The following FNDC3A variants were observed in gnomAD, a reference collection of about 807,000 sequenced individuals.
FNDC3A encodes fibronectin type-III domain-containing protein 3A.
A neutral mutation model predicts 148.9 loss-of-function variants in FNDC3A; 32 were observed. That is an observed-to-expected ratio of 0.21 (90% CI 0.16 to 0.29). FNDC3A has a LOEUF of 0.29. Ranked by LOEUF, FNDC3A falls within the 10% of genes least tolerant of loss-of-function variation. The pLI is 1.00. For missense variants in FNDC3A, 1,191 were observed against 1,452.8 expected, an observed-to-expected ratio of 0.82 and a Z score of 2.93; for synonymous variants, 472 against 473.6, an observed-to-expected ratio of 1.00 and a Z score of 0.04.
At chr13:49,159,795 A>G (rs537714594) in intron 8 of FNDC3A, among the ~76,000 whole-genome samples, 2 of 152,338 alleles carry the variant, frequency 1.3e-5, no homozygotes, top group East Asian at 3.9e-4. Context: ...CGTCCCATCA[A>G]TACCTAGTTT....
intron 2 of FNDC3A, among the ~76,000 whole-genome samples, chr13:49,009,627 G>A (rs142593629): frequency 5.4e-4 from 82 of 152,326 alleles, no homozygotes; most frequent in African/African-American, 1.6e-3. Context: ...AGGAAAGCCT[G>A]CATGAATGTG....
chr13:48,986,382 GTTGTTTTTTT>G (rs1566174514), intron 1 of FNDC3A, among the ~76,000 whole-genome samples: 2 of 61,956 alleles, frequency 3.2e-5, no homozygotes, highest in African/African-American at 5.8e-5. Flanking sequence ...GGAGAAGGAA[GTTGTTTTTTT>G]TTTTTTTTTT....
chr13:49,130,576 T>C (rs1881966474), intron 4 of FNDC3A, among the ~76,000 whole-genome samples: 1 of 151,902 alleles, frequency 6.6e-6, no homozygotes, highest in Non-Finnish European at 1.5e-5. Flanking sequence ...ATATCTAGTA[T>C]CATAACTTAT....
At chr13:49,096,536 G>C (rs1250097845) in intron 3 of FNDC3A, among the ~76,000 whole-genome samples, 1 of 151,928 alleles carries the variant, frequency 6.6e-6, no homozygotes, top group Non-Finnish European at 1.5e-5. Context: ...ATTATTTTTA[G>C]TCTTAATGTG....
At chr13:49,158,942 T>G (rs936993921) in intron 8 of FNDC3A, among the ~76,000 whole-genome samples, 3 of 152,232 alleles carry the variant, frequency 2.0e-5, no homozygotes, top group South Asian at 2.1e-4. Flanking sequence ...ATATGTGGTA[T>G]TATTTCTGAG....
At chr13:49,153,840 G>A (rs1204960689) in intron 8 of FNDC3A, among the ~76,000 whole-genome samples, 68 of 111,226 alleles carry the variant, frequency 6.1e-4, no homozygotes, top group Non-Finnish European at 9.4e-4. Context: ...GATATGCGGC[G>A]TTATTTCTGA....
intron 2 of FNDC3A, among the ~76,000 whole-genome samples, chr13:49,013,035 G>A (rs2137616160): frequency 6.6e-6 from 1 of 152,234 alleles, no homozygotes; most frequent in East Asian, 1.9e-4. Context: ...AAAAGGGTAA[G>A]CCAGGTGCAG....
intron 16 of FNDC3A, chr13:49,187,691 G>A (rs767970261): frequency 5.9e-5 from 89 of 1,520,826 alleles, no homozygotes; most frequent in Middle Eastern, 4.7e-4. Flanking sequence ...GAAGCTCTGC[G>A]AAAGGCACAG....
chr13:49,018,188 G>T (rs1272578942), intron 2 of FNDC3A, among the ~76,000 whole-genome samples: 1 of 152,012 alleles, frequency 6.6e-6, no homozygotes, highest in East Asian at 1.9e-4. Context: ...ATAATATCCT[G>T]CAGAGTGTTT....
At chr13:49,014,641 G>A (rs1487148771) in intron 2 of FNDC3A, among the ~76,000 whole-genome samples, 5 of 150,430 alleles carry the variant, frequency 3.3e-5, no homozygotes, top group Non-Finnish European at 5.9e-5. Flanking sequence ...TGTTGCCATT[G>A]CTTTTGGTGT....
chr13:49,179,862 C>A (rs80114106), intron 14 of FNDC3A, among the ~76,000 whole-genome samples: 1 of 152,058 alleles, frequency 6.6e-6, no homozygotes, highest in Non-Finnish European at 1.5e-5. Context: ...CTCAAAGCAC[C>A]AGGATCCTTT....
intron 13 of FNDC3A, 126 bp from the exon 14 acceptor site, chr13:49,178,442 A>C (rs911685573): frequency 3.2e-6 from 2 of 626,998 alleles, no homozygotes; most frequent in Admixed American, 3.3e-5. Context: ...ATTCCACTCA[A>C]CAGAGCATTA....
intron 17 of FNDC3A, among the ~76,000 whole-genome samples, chr13:49,190,619 A>G (rs957617889): frequency 6.6e-6 from 1 of 152,224 alleles, no homozygotes; most frequent in Non-Finnish European, 1.5e-5. Context: ...CAAACAGCAT[A>G]TACAGTATTT....
At position 49,077,644 on chromosome 13, in the gene FNDC3A, G is replaced by A. The variant is rs139848262; in HGVS notation, c.175+2280G>A. Among the ~76,000 whole-genome samples, 396 of 152,282 alleles carry A rather than the reference G, an allele frequency of 2.6e-3. 10 individuals are homozygous for A. In the East Asian group the frequency reaches 0.041, roughly 16 times the overall value. On this transcript the variant is annotated intron_variant, in intron 3 of 25. Coordinates refer to ENST00000492622, the MANE Select transcript of FNDC3A (RefSeq NM_001079673.2). ...GGCCTGCGACAGGCCCCGGGCCAAGGGGAGGGAGAGCATTAGGACAAATAC... is the reference window on the plus strand; with the variant it reads ...GGCCTGCGACAGGCCCCGGGCCAAGAGGAGGGAGAGCATTAGGACAAATAC...
At chr13:49,084,341 C>A (rs2137802253) in intron 3 of FNDC3A, among the ~76,000 whole-genome samples, 1 of 152,224 alleles carries the variant, frequency 6.6e-6, no homozygotes, top group Middle Eastern at 3.4e-3. Context: ...AAAAGAACTG[C>A]TAAAATATTT....
At chr13:49,120,004 T>G (rs188439590) in intron 4 of FNDC3A, among the ~76,000 whole-genome samples, 2 of 152,018 alleles carry the variant, frequency 1.3e-5, no homozygotes, top group African/African-American at 4.8e-5. Context: ...ACTAAGATAC[T>G]CCTTGAGAAG....
At position 49,196,914 on chromosome 13, in the gene FNDC3A, C is replaced by G; in HGVS notation, c.2264C>G (p.Ala755Gly). 3 of 1,610,426 alleles carry G rather than the reference C, an allele frequency of 1.9e-6. No homozygotes were observed. The highest frequency in any genetic ancestry group is 2.5e-6 in the Non-Finnish European group (3 of 1,178,722). The change falls in exon 20 of 26, where the codon GCC becomes GGC. Residue 755 changes from alanine to glycine, a missense_variant. Physicochemically the swap from Ala to Gly is moderately conservative, Grantham distance 60 (BLOSUM62 0). Transcript: ENST00000492622. Reference protein sequence around the residue: ...PFSEKCDITTAPGPPDQCKPP... With the variant: ...PFSEKCDITTGPGPPDQCKPP... ...TCAGAAAAATGTGATATTACTACAG[C>G]CCCTGGGCCACCAGATCAGTGCAAG...
chr13:49,118,250 G>A (rs1175777144), intron 4 of FNDC3A, among the ~76,000 whole-genome samples: 1 of 152,162 alleles, frequency 6.6e-6, no homozygotes, highest in African/African-American at 2.4e-5. Flanking sequence ...GAAGCAAAAG[G>A]GGTCGGGGAG....
intron 8 of FNDC3A, among the ~76,000 whole-genome samples, chr13:49,152,502 A>C (rs1375178639): frequency 7.0e-6 from 1 of 142,182 alleles, no homozygotes; most frequent in Non-Finnish European, 1.6e-5. Context: ...GATTGCAAAA[A>C]AAATTGTTTG....
Sources: gnomAD v4.1 joint callset for allele counts (sites outside exome capture counted in the v4.1 genomes callset) on GRCh38, gnomAD v4.1.1 for gene constraint, MANE v1.5 for transcripts, NCBI Gene and HGNC (gene_info 2026-07-23, HGNC 2026-07-21) for gene names.